Variants in PM20D2 observed in about 807,000 individuals in gnomAD.
PM20D2 encodes the protein peptidase M20 domain containing 2, also known as xaa-Arg dipeptidase.
Under a neutral mutation model 42.9 loss-of-function variants are expected in PM20D2, and 33 were observed. The observed-to-expected ratio is 0.77, with a 90% confidence interval of 0.58 to 1.03. PM20D2 has a LOEUF of 1.03. PM20D2 is among the 50% of genes least tolerant of loss of function. PM20D2 has a pLI of 0.00. For synonymous variants in PM20D2, 250 were observed against 228.2 expected (o/e 1.10, Z -0.86); for missense variants, 548 against 557.0 (o/e 0.98, Z 0.16).
chr6:89,110,612 T>C, the PM20D2 span, among the ~76,000 whole-genome samples: 1 of 151,816 alleles, frequency 6.6e-6, no homozygotes, highest in Non-Finnish European at 1.5e-5. Flanking sequence ...CTTTTGTTAC[T>C]TGGGTGTAGA....
the PM20D2 span, among the ~76,000 whole-genome samples, chr6:89,123,791 G>A: frequency 1.8e-3 from 278 of 151,170 alleles, no homozygotes; most frequent in Non-Finnish European, 3.5e-3. Context: ...TGTAATCCCC[G>A]TGCTTTGGGA....
chr6:89,133,106 A>G, the PM20D2 span, among the ~76,000 whole-genome samples: 4 of 148,916 alleles, frequency 2.7e-5, no homozygotes, highest in Non-Finnish European at 4.4e-5. Flanking sequence ...ATGCATGCCT[A>G]TGGTCCCAGC....
At chr6:89,138,522 G>GA in the PM20D2 span, among the ~76,000 whole-genome samples, 1,096 of 148,006 alleles carry the variant, frequency 7.4e-3, 11 homozygotes, top group East Asian at 0.053. Flanking sequence ...TTTAAAAAAC[G>GA]AAAAAAAAAA....
chr6:89,099,417 T>TATATATGTGTGTATATATACAC, the PM20D2 span, among the ~76,000 whole-genome samples: 4 of 131,724 alleles, frequency 3.0e-5, no homozygotes, highest in African/African-American at 1.3e-4. Flanking sequence ...TATATATACA[T>TATATATGTGTGTATATATACAC]ATATATATGT....
the PM20D2 span, among the ~76,000 whole-genome samples, chr6:89,103,212 T>C: frequency 6.6e-6 from 1 of 152,220 alleles, no homozygotes. Flanking sequence ...TCAAGTATTA[T>C]ACTTTACTTC....
chr6:89,117,651 TG>T, the PM20D2 span, among the ~76,000 whole-genome samples: 306 of 151,762 alleles, frequency 2.0e-3, 2 homozygotes, highest in African/African-American at 7.2e-3. Flanking sequence ...AGTTCCGCCC[TG>T]GGCCGCGGAG....
intron 4 of PM20D2, among the ~76,000 whole-genome samples, chr6:89,156,897 A>G (rs985909462): frequency 9.9e-5 from 15 of 152,274 alleles, no homozygotes; most frequent in Middle Eastern, 3.4e-3. Context: ...AGTGAATGAA[A>G]ACTGTGAAAT....
At chr6:89,117,964 C>G in the PM20D2 span, 1 of 1,453,126 alleles carries the variant, frequency 6.9e-7, no homozygotes, top group South Asian at 1.3e-5. Context: ...CTGCTACCAC[C>G]ACAGGAGCTC....
chr6:89,118,443 C>T, the PM20D2 span, among the ~76,000 whole-genome samples: 1 of 152,202 alleles, frequency 6.6e-6, no homozygotes, highest in Admixed American at 6.5e-5. Flanking sequence ...CCCCTCTGGT[C>T]TTGAGCCTTC....
the PM20D2 span, chr6:89,098,657 G>C: frequency 6.2e-7 from 1 of 1,614,006 alleles, no homozygotes; most frequent in South Asian, 1.1e-5. Context: ...TTGTACTTTA[G>C]TTTCAGAATT....
At chr6:89,162,038 G>A (rs995580194) in intron 6 of PM20D2, 71 bp from the exon 7 acceptor site, 21 of 1,551,554 alleles carry the variant, frequency 1.4e-5, no homozygotes, top group Admixed American at 9.0e-5. Context: ...GTTGAGATAC[G>A]GGTAGCTAAC....
At chr6:89,117,861 G>T in the PM20D2 span, 4 of 1,562,782 alleles carry the variant, frequency 2.6e-6, no homozygotes, top group Non-Finnish European at 3.5e-6. Flanking sequence ...ACAGGGAGGT[G>T]TTGGGGGGCC....
the PM20D2 span, among the ~76,000 whole-genome samples, chr6:89,095,494 G>A: frequency 1.3e-5 from 2 of 152,206 alleles, no homozygotes; most frequent in Non-Finnish European, 2.9e-5. Context: ...GAAATTTAAT[G>A]TAGTTTAGAA....
intron 3 of PM20D2, among the ~76,000 whole-genome samples, 200 bp from the exon 4 acceptor site, chr6:89,154,548 T>A (rs1446083222): frequency 6.6e-6 from 1 of 152,236 alleles, no homozygotes; most frequent in Non-Finnish European, 1.5e-5. Context: ...TATTTTTTCT[T>A]ATCAGCCAAA....
the PM20D2 span, among the ~76,000 whole-genome samples, chr6:89,128,335 C>G: frequency 1.3e-3 from 193 of 152,248 alleles, no homozygotes; most frequent in African/African-American, 4.2e-3. Context: ...CCCTGGTCTC[C>G]TGCAGTACCC....
the PM20D2 span, among the ~76,000 whole-genome samples, chr6:89,139,462 C>A: frequency 6.6e-6 from 1 of 152,186 alleles, no homozygotes; most frequent in African/African-American, 2.4e-5. Context: ...CATTCTCCTG[C>A]CTCAGCCTCC....
the PM20D2 span, among the ~76,000 whole-genome samples, chr6:89,135,026 G>A: frequency 6.6e-6 from 1 of 151,000 alleles, no homozygotes; most frequent in Non-Finnish European, 1.5e-5. Context: ...AAGGGTACAG[G>A]TGTGGGTCCT....
the PM20D2 span, among the ~76,000 whole-genome samples, chr6:89,116,919 C>T: frequency 1.3e-5 from 2 of 152,116 alleles, no homozygotes; most frequent in Non-Finnish European, 2.9e-5. Context: ...ATCATTAAAA[C>T]TCTTAGTTTC....
At chr6:89,106,042 T>C in the PM20D2 span, 1 of 152,240 alleles carries the variant, frequency 6.6e-6, no homozygotes, top group Non-Finnish European at 1.5e-5. Flanking sequence ...ACTGCACATA[T>C]ACAAGTGAGT....
Sources: allele counts gnomAD v4.1 joint callset (sites outside exome capture counted in the v4.1 genomes callset), GRCh38; gene constraint gnomAD v4.1.1; transcripts MANE v1.5; gene names NCBI Gene and HGNC (gene_info 2026-07-23, HGNC 2026-07-21).